Variants in CAST observed in about 807,000 individuals in gnomAD.
CAST encodes the protein calpastatin, also known as MIR583 host.
Under a neutral mutation model 119.6 loss-of-function variants are expected in CAST, and 76 were observed. The observed-to-expected ratio is 0.64, with a 90% CI of 0.53 to 0.77. The LOEUF is 0.77. CAST is among the 30% of genes least tolerant of loss of function. CAST has a pLI of 0.00. For synonymous variants in CAST, 319 were observed against 331.6 expected (o/e 0.96, Z 0.41); for missense variants, 953 against 946.5 (o/e 1.01, Z -0.09).
At chr5:96,214,805 T>A in the CAST span, 1 of 152,234 alleles carries the variant, frequency 6.6e-6, no homozygotes, top group Non-Finnish European at 1.5e-5. Context: ...TGTTAGAAGA[T>A]GATGTTACAC....
chr5:96,413,671 G>T, the CAST span, among the ~76,000 whole-genome samples: 3 of 151,414 alleles, frequency 2.0e-5, no homozygotes, highest in Non-Finnish European at 1.5e-5. Flanking sequence ...ATGCTGGCAC[G>T]CACCTATAAT....
At chr5:96,332,175 A>G in the CAST span, among the ~76,000 whole-genome samples, 1 of 152,212 alleles carries the variant, frequency 6.6e-6, no homozygotes, top group Admixed American at 6.5e-5. Flanking sequence ...CAAAACAAAC[A>G]AAACAAAACA....
intron 1 of CAST, among the ~76,000 whole-genome samples, chr5:96,614,725 C>T (rs1042082846): frequency 2.7e-5 from 4 of 145,712 alleles, no homozygotes; most frequent in African/African-American, 8.0e-5. Context: ...GATTACCCCT[C>T]TTCCTCAGTG....
the CAST span, among the ~76,000 whole-genome samples, chr5:96,107,927 T>TA: frequency 6.6e-6 from 1 of 152,086 alleles, no homozygotes; most frequent in South Asian, 2.1e-4. Flanking sequence ...TCATTTCTTT[T>TA]TATTCTTTTT....
At chr5:96,279,816 A>G in the CAST span, among the ~76,000 whole-genome samples, 1 of 152,260 alleles carries the variant, frequency 6.6e-6, no homozygotes, top group Non-Finnish European at 1.5e-5. Flanking sequence ...GACATTTAGC[A>G]TGTGGTTTCA....
chr5:96,749,708 G>A (rs1449654855), intron 19 of CAST, among the ~76,000 whole-genome samples: 1 of 152,086 alleles, frequency 6.6e-6, no homozygotes, highest in Non-Finnish European at 1.5e-5. Flanking sequence ...CACCATGCCT[G>A]GCTAATTTTT....
chr5:96,151,453 T>C, the CAST span, among the ~76,000 whole-genome samples: 1 of 152,074 alleles, frequency 6.6e-6, no homozygotes. Flanking sequence ...CTGGGCAACA[T>C]AGTGAGGCCC....
At chr5:96,610,365 A>C (rs1352232743) in intron 1 of CAST, among the ~76,000 whole-genome samples, 1 of 152,226 alleles carries the variant, frequency 6.6e-6, no homozygotes, top group Non-Finnish European at 1.5e-5. Context: ...GACTAATACA[A>C]TATGTAAATC....
At chr5:96,598,285 C>T (rs1747088925) in intron 1 of CAST, among the ~76,000 whole-genome samples, 1 of 151,916 alleles carries the variant, frequency 6.6e-6, no homozygotes, top group African/African-American at 2.4e-5. Flanking sequence ...CTTTTTTTTG[C>T]CTTTCATGGA....
the CAST span, among the ~76,000 whole-genome samples, chr5:96,232,229 G>A: frequency 6.6e-6 from 1 of 152,078 alleles, no homozygotes; most frequent in Non-Finnish European, 1.5e-5. Flanking sequence ...TCTGGAGGAT[G>A]AGAGTGTTGG....
At chr5:96,446,915 G>A in the CAST span, among the ~76,000 whole-genome samples, 2 of 152,220 alleles carry the variant, frequency 1.3e-5, no homozygotes, top group East Asian at 3.8e-4. Context: ...AAGAAAGAGG[G>A]TTACTGAGCT....
chr5:96,209,102 G>T, the CAST span, among the ~76,000 whole-genome samples: 1 of 151,788 alleles, frequency 6.6e-6, no homozygotes, highest in Admixed American at 6.6e-5. Flanking sequence ...GATATTTGTT[G>T]GTTTAAAGTC....
intron 1 of CAST, among the ~76,000 whole-genome samples, chr5:96,588,804 T>C (rs540359394): frequency 1.3e-5 from 2 of 152,330 alleles, no homozygotes; most frequent in South Asian, 4.1e-4. Flanking sequence ...CTATGCAATC[T>C]TCAAAGAAAG....
At chr5:96,553,944 A>G (rs1746183823) in intron 1 of CAST, among the ~76,000 whole-genome samples, 1 of 152,246 alleles carries the variant, frequency 6.6e-6, no homozygotes. Context: ...GCTCATGGAT[A>G]GGAAGAATCA....
At chr5:95,994,877 A>T in the CAST span, among the ~76,000 whole-genome samples, 1 of 152,226 alleles carries the variant, frequency 6.6e-6, no homozygotes, top group Non-Finnish European at 1.5e-5. Context: ...TACACATTTT[A>T]ACAAGCAGAA....
chr5:96,241,560 G>A, the CAST span, among the ~76,000 whole-genome samples: 7 of 148,342 alleles, frequency 4.7e-5, no homozygotes, highest in Middle Eastern at 3.4e-3. Flanking sequence ...ATGATTTATA[G>A]TCCTTTGGGT....
At chr5:96,575,251 G>A (rs960602727) in intron 1 of CAST, among the ~76,000 whole-genome samples, 6 of 151,834 alleles carry the variant, frequency 4.0e-5, no homozygotes, top group African/African-American at 1.5e-4. Context: ...TGTGTGTGTT[G>A]ATCTTGTATG....
At chr5:96,034,538 T>C in the CAST span, among the ~76,000 whole-genome samples, 1 of 141,506 alleles carries the variant, frequency 7.1e-6, no homozygotes, top group Non-Finnish European at 1.5e-5. Flanking sequence ...CATTATATAT[T>C]CCATTATATA....
chr5:96,114,367 G>A, the CAST span, among the ~76,000 whole-genome samples: 1 of 152,166 alleles, frequency 6.6e-6, no homozygotes, highest in African/African-American at 2.4e-5. Flanking sequence ...GGATTCCCAG[G>A]GGATTTGTAT....
Sources: gnomAD v4.1 joint callset for allele counts (sites outside exome capture counted in the v4.1 genomes callset) on GRCh38, gnomAD v4.1.1 for gene constraint, MANE v1.5 for transcripts, NCBI Gene and HGNC (gene_info 2026-07-23, HGNC 2026-07-21) for gene names.